MSH4: variants seen among roughly 807,000 people sequenced by gnomAD.
MSH4 encodes mutS homolog 4.
MSH4 carries 106 observed loss-of-function variants against 113.7 expected under a neutral mutation model. That is an observed-to-expected ratio of 0.93 (90% confidence interval 0.80 to 1.10). The LOEUF (loss-of-function observed/expected upper bound fraction) is 1.10, where lower values mean the gene tolerates loss of function less well. MSH4 is among the 50% of genes least tolerant of loss of function. The pLI is 0.00. For synonymous variants in MSH4, 368 were observed against 380.2 expected, an observed-to-expected ratio of 0.97 and a Z score of 0.37; for missense variants, 1,061 against 1,093.7, an observed-to-expected ratio of 0.97 and a Z score of 0.42.
intron 3 of MSH4, among the ~76,000 whole-genome samples, chr1:75,810,011 G>T (rs2100509189): frequency 1.3e-5 from 2 of 152,128 alleles, no homozygotes; most frequent in South Asian, 4.1e-4. Flanking sequence ...AAAATACTAA[G>T]TATAAGAATT....
intron 9 of MSH4, 134 bp downstream of exon 9, chr1:75,867,722 C>T: frequency 3.3e-6 from 2 of 612,544 alleles, no homozygotes; most frequent in East Asian, 5.8e-5. Context: ...TTTGTACATA[C>T]TTTACATACA....
At chr1:75,802,354 C>G (rs1570937414) in intron 1 of MSH4, among the ~76,000 whole-genome samples, 1 of 152,172 alleles carries the variant, frequency 6.6e-6, no homozygotes, top group South Asian at 2.1e-4. Flanking sequence ...GTATGAAGCC[C>G]TGGAGGCCAA....
At chr1:75,815,588 G>A (rs1322481231) in intron 5 of MSH4, among the ~76,000 whole-genome samples, 2 of 152,090 alleles carry the variant, frequency 1.3e-5, no homozygotes, top group African/African-American at 4.8e-5. Flanking sequence ...GGTATTTTTG[G>A]AACACATATT....
intron 7 of MSH4, among the ~76,000 whole-genome samples, chr1:75,834,326 T>A (rs1379963422): frequency 6.6e-6 from 1 of 152,230 alleles, no homozygotes; most frequent in Non-Finnish European, 1.5e-5. Flanking sequence ...TTTTACACTG[T>A]TGGTGGGACT....
intron 3 of MSH4, among the ~76,000 whole-genome samples, chr1:75,810,145 A>G (rs1650155914): frequency 6.6e-6 from 1 of 152,056 alleles, no homozygotes; most frequent in South Asian, 2.1e-4. Context: ...ATTTTATGTT[A>G]GTAGTTATAT....
intron 3 of MSH4, 72 bp downstream of exon 3, chr1:75,807,213 C>T: frequency 8.1e-7 from 1 of 1,240,928 alleles, no homozygotes; most frequent in Non-Finnish European, 1.1e-6. Context: ...AGTGCCTTCC[C>T]AATTTGTTTA....
intron 7 of MSH4, among the ~76,000 whole-genome samples, chr1:75,829,847 G>C (rs1214026488): frequency 6.6e-6 from 1 of 152,174 alleles, no homozygotes; most frequent in Non-Finnish European, 1.5e-5. Flanking sequence ...AACCAGAGCA[G>C]AAAAGCTGAA....
chr1:75,879,166 T>C, intron 12 of MSH4, 38 bp downstream of exon 12: 3 of 1,573,792 alleles, frequency 1.9e-6, no homozygotes, highest in Non-Finnish European at 2.6e-6. Context: ...GTGTTTCTGA[T>C]TTTATAGAAT....
At chr1:75,877,095 A>C (rs1297379894) in intron 10 of MSH4, 95 bp downstream of exon 10, 1 of 726,082 alleles carries the variant, frequency 1.4e-6, no homozygotes, top group Non-Finnish European at 2.1e-6. Flanking sequence ...CTATGGAACA[A>C]TTACTTGAGT....
intron 7 of MSH4, among the ~76,000 whole-genome samples, chr1:75,838,875 G>A (rs975750356): frequency 1.6e-4 from 24 of 152,158 alleles, no homozygotes; most frequent in East Asian, 3.9e-4. Flanking sequence ...TTCTAATTCC[G>A]CAAGTCAGTG....
chr1:75,817,325 C>T (rs900052955), intron 6 of MSH4, among the ~76,000 whole-genome samples: 1 of 152,044 alleles, frequency 6.6e-6, no homozygotes, highest in Non-Finnish European at 1.5e-5. Flanking sequence ...AAATCAAAAC[C>T]GCAGTTAGAT....
At chr1:75,822,715 T>C in intron 7 of MSH4, 134 bp downstream of exon 7, 1 of 463,602 alleles carries the variant, frequency 2.2e-6, no homozygotes, top group Non-Finnish European at 3.6e-6. Context: ...AATATTTTCC[T>C]GAAATTTTCT....
intron 7 of MSH4, among the ~76,000 whole-genome samples, chr1:75,825,380 T>C (rs1180597378): frequency 6.6e-6 from 1 of 152,166 alleles, no homozygotes; most frequent in African/African-American, 2.4e-5. Context: ...CGATGGGGTT[T>C]TCTAAATATA....
In MSH4 at chr1:75,815,093, T is replaced by C. The variant is rs766404269; in HGVS notation, c.772T>C (p.Cys258Arg). 1.5e-5 allele frequency: 24 copies of C among 1,605,884 alleles called. No individual in the cohort carries two copies. In the South Asian group the frequency reaches 2.6e-4, roughly 17 times the overall value. Residue 258 changes from cysteine to arginine, a missense_variant, in exon 5 of 20, where the codon TGC becomes CGC. Transcript: ENST00000263187. ...AGGATTAGAGTACATTGAACAGTTATGCATAGCAGAATTCAGCACTGTCCT... is the reference window on the plus strand; with the variant it reads ...AGGATTAGAGTACATTGAACAGTTACGCATAGCAGAATTCAGCACTGTCCT... ...TKGLEYIEQL[C>R]IAEFSTVLME...
At chr1:75,898,331 G>T (rs1284797118) in intron 18 of MSH4, among the ~76,000 whole-genome samples, 1 of 151,838 alleles carries the variant, frequency 6.6e-6, no homozygotes, top group Non-Finnish European at 1.5e-5. Context: ...GAAAACCCTA[G>T]AAGTATTAGT....
intron 10 of MSH4, 34 bp downstream of exon 10, chr1:75,877,034 A>T (rs1159529994): frequency 1.5e-6 from 2 of 1,337,484 alleles, no homozygotes; most frequent in South Asian, 1.4e-5. Context: ...AAAAAATAAG[A>T]TTATTCTCTT....
intron 8 of MSH4, among the ~76,000 whole-genome samples, chr1:75,855,926 C>T (rs1651305746): frequency 6.6e-6 from 1 of 152,180 alleles, no homozygotes; most frequent in African/African-American, 2.4e-5. Flanking sequence ...TTATACCTGA[C>T]AGCAATCTCT....
rs763450040 is a variant in MSH4 at position 75,899,654 on chromosome 1, CA to C, written c.2569del (p.Ile857LeufsTer35). On this transcript the variant is annotated frameshift_variant, in exon 19 of 20. Transcript: ENST00000263187. LOFTEE classifies it high-confidence loss of function. Reference protein sequence around the residue: ...KAAEVSSLPPSIVLDAKEITT... With the variant: ...KAAEVSSLPPXIVLDAKEITT... ...GCAGAGGTGTCATCACTTCCACCATCAATTGTCTTGGATGCCAAGGAAATCA... is the reference window on the plus strand; with the variant it reads ...GCAGAGGTGTCATCACTTCCACCATCATTGTCTTGGATGCCAAGGAAATCA... 5 of 1,512,916 alleles carry C rather than the reference CA, an allele frequency of 3.3e-6. No homozygotes were observed. In the African/African-American group the frequency reaches 7.2e-5, roughly 22 times the overall value. 93.7% of individuals were successfully genotyped at this position (1,512,916 alleles called of 1,614,324 possible).
intron 2 of MSH4, among the ~76,000 whole-genome samples, chr1:75,805,913 T>G (rs958309037): frequency 2.0e-5 from 3 of 152,042 alleles, no homozygotes; most frequent in Admixed American, 2.0e-4. Flanking sequence ...TAAATTGTAT[T>G]GGTTAATTTA....
Sources: allele counts gnomAD v4.1 joint callset (sites outside exome capture counted in the v4.1 genomes callset), GRCh38; gene constraint gnomAD v4.1.1; transcripts MANE v1.5; gene names NCBI Gene and HGNC (gene_info 2026-07-23, HGNC 2026-07-21).